Variants in FUT9 observed in about 807,000 individuals in gnomAD.
FUT9 encodes fucosyltransferase 9, also known as 4-galactosyl-N-acetylglucosaminide 3-alpha-L-fucosyltransferase 9.
A neutral mutation model predicts 29.7 loss-of-function variants in FUT9; 15 were observed. That is an observed-to-expected ratio of 0.51 (90% CI 0.34 to 0.78). FUT9 has a LOEUF of 0.78. FUT9 is among the 30% of genes least tolerant of loss of function. FUT9 has a pLI of 0.01. For missense variants in FUT9, 319 were observed against 425.4 expected, an observed-to-expected ratio of 0.75 and a Z score of 2.20; for synonymous variants, 169 against 153.7, an observed-to-expected ratio of 1.10 and a Z score of -0.74.
At chr6:96,122,993 G>A (rs1321915387) in intron 2 of FUT9, among the ~76,000 whole-genome samples, 1 of 139,404 alleles carries the variant, frequency 7.2e-6, no homozygotes, top group African/African-American at 2.7e-5. Flanking sequence ...CCAGAAGGGG[G>A]AGCTTGCAGT....
At chr6:96,088,504 G>T (rs1771356284) in intron 1 of FUT9, among the ~76,000 whole-genome samples, 1 of 150,056 alleles carries the variant, frequency 6.7e-6, no homozygotes. Flanking sequence ...TTTCCCCATA[G>T]CTGTATGATT....
intron 1 of FUT9, among the ~76,000 whole-genome samples, chr6:96,106,356 A>G (rs945733110): frequency 2.6e-5 from 4 of 152,124 alleles, no homozygotes; most frequent in Admixed American, 1.3e-4. Flanking sequence ...GACGTCATTT[A>G]ACACTCTTAA....
At chr6:96,185,131 C>T (rs774778104) in intron 2 of FUT9, among the ~76,000 whole-genome samples, 3 of 140,428 alleles carry the variant, frequency 2.1e-5, no homozygotes, top group Non-Finnish European at 4.7e-5. Context: ...ACTCCTTCCT[C>T]CTCAACAATA....
chr6:96,113,770 C>T (rs1039108129), intron 1 of FUT9, among the ~76,000 whole-genome samples: 1 of 150,660 alleles, frequency 6.6e-6, no homozygotes, highest in Non-Finnish European at 1.5e-5. Context: ...CGGAGAATGT[C>T]GTGAACCAGG....
At chr6:96,055,335 C>T (rs1424264555) in intron 1 of FUT9, among the ~76,000 whole-genome samples, 3 of 151,332 alleles carry the variant, frequency 2.0e-5, no homozygotes, top group Non-Finnish European at 4.4e-5. Context: ...TTATTTGACC[C>T]AATAACTAGG....
intron 1 of FUT9, among the ~76,000 whole-genome samples, chr6:96,027,993 T>C (rs1159376285): frequency 6.6e-6 from 1 of 151,642 alleles, no homozygotes; most frequent in Non-Finnish European, 1.5e-5. Context: ...AATATGTGTG[T>C]CATTTCAAGG....
intron 1 of FUT9, among the ~76,000 whole-genome samples, chr6:96,108,295 C>T (rs959168841): frequency 3.9e-5 from 6 of 152,238 alleles, no homozygotes; most frequent in African/African-American, 1.4e-4. Context: ...GAGGCAGACA[C>T]ATCACACCAA....
chr6:96,181,157 T>C (rs1773299642), intron 2 of FUT9, among the ~76,000 whole-genome samples: 1 of 152,076 alleles, frequency 6.6e-6, no homozygotes, highest in African/African-American at 2.4e-5. Flanking sequence ...CAAAATCGTA[T>C]ACAATAAACA....
intron 1 of FUT9, among the ~76,000 whole-genome samples, chr6:96,097,496 A>G (rs1161527296): frequency 6.6e-6 from 1 of 152,066 alleles, no homozygotes; most frequent in African/African-American, 2.4e-5. Flanking sequence ...TTGTTGTATG[A>G]GTGAATGAAT....
chr6:96,022,265 C>T (rs1770082306), intron 1 of FUT9, among the ~76,000 whole-genome samples: 1 of 152,068 alleles, frequency 6.6e-6, no homozygotes, highest in Non-Finnish European at 1.5e-5. Flanking sequence ...ACTAATTTAA[C>T]CCACTAAGTT....
In FUT9 at chr6:96,111,831, A is replaced by G. The variant is rs192873921; in HGVS notation, c.-97-2208A>G. Among the ~76,000 whole-genome samples, 368 of 152,272 alleles carry G rather than the reference A, an allele frequency of 2.4e-3. 1 individual carries two copies. Among genetic ancestry groups the G allele is most frequent in the Non-Finnish European group, 3.7e-3 (255 of 68,002 alleles). ...ATATATGACAGATGTTTGGGAGCCA[A>G]TATATATGGATGTCTATGCCTCTTC... On this transcript the variant is annotated intron_variant, in intron 1 of 2. Transcript: ENST00000302103.
intron 2 of FUT9, among the ~76,000 whole-genome samples, chr6:96,171,109 C>T (rs1438640109): frequency 6.6e-6 from 1 of 152,162 alleles, no homozygotes; most frequent in Non-Finnish European, 1.5e-5. Context: ...TGAAAAGGGG[C>T]AATAACTGAT....
chr6:96,075,994 A>G (rs187764257), intron 1 of FUT9, among the ~76,000 whole-genome samples: 1 of 152,242 alleles, frequency 6.6e-6, no homozygotes, highest in East Asian at 1.9e-4. Context: ...CACAAGCTGC[A>G]TTGTCCAGAC....
chr6:96,016,197 T>C lies in FUT9; in HGVS notation c.-113T>C, dbSNP rs1769974200. 1 of 153,348 alleles carries C rather than the reference T, an allele frequency of 6.5e-6. No homozygotes were observed. Among genetic ancestry groups the C allele is most frequent in the South Asian group, 2.1e-4 (1 of 4,872 alleles). 9.5% of individuals were successfully genotyped at this position (153,348 alleles called of 1,614,324 possible). On this transcript the variant is annotated 5_prime_UTR_variant, in exon 1 of 3. Transcript: ENST00000302103. ...CCCTCGCGAGCGCCCCGGATGGCGC[T>C]TTACCCCTAGGACCGGTGAGTAGGC...
intron 2 of FUT9, among the ~76,000 whole-genome samples, chr6:96,173,612 A>C (rs1773152152): frequency 6.6e-6 from 1 of 152,138 alleles, no homozygotes; most frequent in African/African-American, 2.4e-5. Context: ...TTCAACAAAA[A>C]AAAGAAAAAA....
At chr6:96,107,415 A>G (rs1339177969) in intron 1 of FUT9, among the ~76,000 whole-genome samples, 2 of 152,132 alleles carry the variant, frequency 1.3e-5, no homozygotes, top group African/African-American at 2.4e-5. Flanking sequence ...AACAAATTTC[A>G]TTTTCTCCAA....
At chr6:96,116,178 GAGA>G (rs977046340) in intron 2 of FUT9, among the ~76,000 whole-genome samples, 10 of 152,118 alleles carry the variant, frequency 6.6e-5, no homozygotes, top group African/African-American at 2.4e-4. Flanking sequence ...ATAAGAATAT[GAGA>G]AGATGTTCAC....
chr6:96,145,952 T>TCAAG, intron 2 of FUT9, among the ~76,000 whole-genome samples: 1 of 152,096 alleles, frequency 6.6e-6, no homozygotes, highest in Middle Eastern at 3.4e-3. Flanking sequence ...ACCTCCCAGG[T>TCAAG]TGAGGTCCTC....
intron 1 of FUT9, among the ~76,000 whole-genome samples, chr6:96,087,314 C>T (rs1771332471): frequency 6.6e-6 from 1 of 151,238 alleles, no homozygotes; most frequent in South Asian, 2.1e-4. Context: ...TAGCACTCTA[C>T]ATATGTCATG....
Sources: allele counts gnomAD v4.1 joint callset (sites outside exome capture counted in the v4.1 genomes callset), GRCh38; gene constraint gnomAD v4.1.1; transcripts MANE v1.5; gene names NCBI Gene and HGNC (gene_info 2026-07-23, HGNC 2026-07-21).